SLC16A9: variants seen among roughly 807,000 people sequenced by gnomAD.
The protein encoded by SLC16A9 is monocarboxylate transporter 9.
Under a neutral mutation model 44.3 loss-of-function variants are expected in SLC16A9, and 26 were observed. The observed-to-expected ratio is 0.59, with a 90% CI of 0.43 to 0.81. SLC16A9 has a LOEUF of 0.81. Ranked by LOEUF, SLC16A9 falls within the 40% of genes least tolerant of loss-of-function variation. The pLI, the probability that SLC16A9 is intolerant of heterozygous loss-of-function variation, is 0.00. For missense variants in SLC16A9, 559 were observed against 595.8 expected, an observed-to-expected ratio of 0.94 and a Z score of 0.64; for synonymous variants, 230 against 225.1, an observed-to-expected ratio of 1.02 and a Z score of -0.19.
At chr10:59,679,237 G>A (rs1004787688) in intron 2 of SLC16A9, among the ~76,000 whole-genome samples, 5 of 152,134 alleles carry the variant, frequency 3.3e-5, no homozygotes, top group Admixed American at 2.0e-4. Context: ...TCTAGCCAAA[G>A]GGTGTGTTAG....
At chr10:59,702,738 G>C (rs1840552056) in intron 1 of SLC16A9, among the ~76,000 whole-genome samples, 1 of 152,100 alleles carries the variant, frequency 6.6e-6, no homozygotes, top group Non-Finnish European at 1.5e-5. Flanking sequence ...CATTCATTAT[G>C]TTTACCTTTT....
chr10:59,693,020 G>GTTC (rs774633699), intron 1 of SLC16A9, among the ~76,000 whole-genome samples: 6 of 152,182 alleles, frequency 3.9e-5, no homozygotes, highest in Non-Finnish European at 8.8e-5. Context: ...CTTATCTCTA[G>GTTC]TTCTTGAGTC....
chr10:59,707,964 C>T (rs1840681880), intron 1 of SLC16A9, among the ~76,000 whole-genome samples: 1 of 152,186 alleles, frequency 6.6e-6, no homozygotes, highest in African/African-American at 2.4e-5. Context: ...TTTGGCTCCT[C>T]CCAATGCTCT....
At chr10:59,660,432 C>G (rs985308462) in intron 4 of SLC16A9, among the ~76,000 whole-genome samples, 2 of 152,024 alleles carry the variant, frequency 1.3e-5, no homozygotes, top group African/African-American at 4.8e-5. Flanking sequence ...ACACACACAC[C>G]CTCCCAAGAC....
At chr10:59,682,402 A>T (rs185461266) in intron 2 of SLC16A9, among the ~76,000 whole-genome samples, 43 of 152,284 alleles carry the variant, frequency 2.8e-4, no homozygotes, top group Middle Eastern at 3.4e-3. Flanking sequence ...TCTTGAGATG[A>T]GTTATCATCC....
chr10:59,668,762 T>C (rs1009791627), intron 3 of SLC16A9, among the ~76,000 whole-genome samples: 2 of 152,120 alleles, frequency 1.3e-5, no homozygotes, highest in Non-Finnish European at 2.9e-5. Flanking sequence ...TTCACCTGAG[T>C]ATTATGGCAT....
At chr10:59,697,019 G>A (rs1231281931) in intron 1 of SLC16A9, among the ~76,000 whole-genome samples, 6 of 96,706 alleles carry the variant, frequency 6.2e-5, no homozygotes, top group African/African-American at 1.4e-4. Flanking sequence ...CGCCCCGTCC[G>A]GGAGGTGAGG....
chr10:59,703,727 T>C (rs1840577397), intron 1 of SLC16A9, among the ~76,000 whole-genome samples: 1 of 148,330 alleles, frequency 6.7e-6, no homozygotes, highest in African/African-American at 2.5e-5. Context: ...TTTTTTTTCG[T>C]TTTTTTTTTG....
intron 2 of SLC16A9, among the ~76,000 whole-genome samples, chr10:59,677,096 A>C (rs932321983): frequency 1.4e-5 from 1 of 71,358 alleles, no homozygotes; most frequent in African/African-American, 6.5e-5. Context: ...CATTTCCTCT[A>C]TCATTGCCTT....
At chr10:59,699,935 CAT>C (rs1491540575) in intron 1 of SLC16A9, among the ~76,000 whole-genome samples, 148 of 149,178 alleles carry the variant, frequency 9.9e-4, no homozygotes, top group African/African-American at 3.4e-3. Context: ...CACACACACA[CAT>C]ACACACATTA....
At chr10:59,659,033 C>T (rs565172472) in intron 4 of SLC16A9, among the ~76,000 whole-genome samples, 39 of 152,184 alleles carry the variant, frequency 2.6e-4, no homozygotes, top group Middle Eastern at 6.8e-3. Flanking sequence ...ACTGTATGTC[C>T]TAAAAAACTC....
At position 59,653,827 on chromosome 10, in the gene SLC16A9, A is replaced by G. The variant is rs1311669263; in HGVS notation, c.1199T>C (p.Leu400Ser). 1.2e-6 allele frequency: 2 copies of G among 1,614,194 alleles called. No individual in the cohort carries two copies. Among genetic ancestry groups the G allele is most frequent in the East Asian group, 2.2e-5 (1 of 44,864 alleles). The change falls in exon 5 of 6, where the codon TTG becomes TCG. Residue 400 changes from leucine (L) to serine (S), a missense_variant. By Grantham distance (145) the Leu-to-Ser change is moderately radical. Transcript: ENST00000395348. ...PFAKSYVTLA[L>S]LSGILGFLTG... is the part of the protein sequence containing the mutation. ...AAGAAACCCTAGGATCCCAGAAAGC[A>G]ACGCCAATGTGACATAGCTTTTGGC... is the stretch of plus-strand genomic sequence containing the variant.
At chr10:59,670,930 C>G (rs1839735294) in intron 3 of SLC16A9, among the ~76,000 whole-genome samples, 1 of 152,154 alleles carries the variant, frequency 6.6e-6, no homozygotes, top group Non-Finnish European at 1.5e-5. Flanking sequence ...CAAGCAGTAA[C>G]TCACAGGTCC....
At chr10:59,663,376 G>A (rs977312151) in intron 4 of SLC16A9, among the ~76,000 whole-genome samples, 30 of 151,798 alleles carry the variant, frequency 2.0e-4, no homozygotes, top group Admixed American at 1.8e-3. Context: ...AAAGAAAAAA[G>A]AAAGAAAGAA....
chr10:59,696,560 C>T (rs1309257018), intron 1 of SLC16A9, among the ~76,000 whole-genome samples: 11 of 151,440 alleles, frequency 7.3e-5, no homozygotes, highest in Middle Eastern at 3.2e-3. Context: ...TCTGCCTGGC[C>T]GCCCATCGTC....
chr10:59,706,630 T>TATACACACAC (rs71467075), intron 1 of SLC16A9, among the ~76,000 whole-genome samples: 1 of 145,928 alleles, frequency 6.9e-6, no homozygotes, highest in Non-Finnish European at 1.5e-5. Flanking sequence ...AGAAATGTGA[T>TATACACACAC]ACACACACAC....
chr10:59,696,514 C>T (rs1417989929), intron 1 of SLC16A9, among the ~76,000 whole-genome samples: 1 of 152,174 alleles, frequency 6.6e-6, no homozygotes, highest in Non-Finnish European at 1.5e-5. Flanking sequence ...GCAGCCTCTG[C>T]CCGGCCGCCA....
At chr10:59,662,081 A>T (rs1160133574) in intron 4 of SLC16A9, among the ~76,000 whole-genome samples, 1 of 152,200 alleles carries the variant, frequency 6.6e-6, no homozygotes, top group Non-Finnish European at 1.5e-5. Flanking sequence ...ACGGGCAAAG[A>T]CTTCATGACT....
Position 59,654,116 on chromosome 10 carries a change from T to A in SLC16A9, c.910A>T (p.Lys304Ter), listed in dbSNP as rs879392546. ...CGETVALFKN[K>*]VFSALFIAIL... Reference sequence around the variant, plus strand: ...GCAATGAAAAGGGCTGAAAATACTTTGTTTTTAAAAAGAGCCACAGTTTCA... The same window carrying A: ...GCAATGAAAAGGGCTGAAAATACTTAGTTTTTAAAAAGAGCCACAGTTTCA... The change falls in exon 5 of 6, where the codon AAA becomes TAA. Residue 304 changes from lysine (K) to a stop codon, truncating the protein, a stop_gained. Transcript: ENST00000395348. LOFTEE classifies it high-confidence loss of function. 1.5e-5 allele frequency: 24 copies of A among 1,614,020 alleles called. No individual in the cohort carries two copies. Among genetic ancestry groups the A allele is most frequent in the Non-Finnish European group, 1.9e-5 (23 of 1,180,038 alleles).
Sources: allele counts gnomAD v4.1 joint callset (sites outside exome capture counted in the v4.1 genomes callset), GRCh38; gene constraint gnomAD v4.1.1; transcripts MANE v1.5; gene names NCBI Gene and HGNC (gene_info 2026-07-23, HGNC 2026-07-21).